The following ZNF362 variants were observed in gnomAD, a reference collection of about 807,000 sequenced individuals.
The protein encoded by ZNF362 is zinc finger protein 362, also known as rotund homolog.
In ZNF362, 11 loss-of-function variants were observed where a neutral mutation model predicts 42.9. The observed-to-expected ratio is 0.26, with a 90% CI of 0.16 to 0.42. The LOEUF is 0.42. Ranked by LOEUF, ZNF362 falls within the 20% of genes least tolerant of loss-of-function variation. The pLI is 1.00. For synonymous variants in ZNF362, 255 were observed against 257.3 expected, an observed-to-expected ratio of 0.99 and a Z score of 0.09; for missense variants, 362 against 576.2, an observed-to-expected ratio of 0.63 and a Z score of 3.81.
the ZNF362 span, among the ~76,000 whole-genome samples, chr1:33,221,546 C>G: frequency 6.6e-6 from 1 of 152,216 alleles, no homozygotes; most frequent in African/African-American, 2.4e-5. Flanking sequence ...CATTTCTCAT[C>G]AAGATCTTAT....
At chr1:33,136,234 TTTC>T in the ZNF362 span, among the ~76,000 whole-genome samples, 2 of 151,112 alleles carry the variant, frequency 1.3e-5, no homozygotes, top group African/African-American at 4.9e-5. Context: ...TTTCTTTCTC[TTTC>T]TTTTCCTTTC....
At chr1:33,250,531 A>C in the ZNF362 span, among the ~76,000 whole-genome samples, 1 of 152,202 alleles carries the variant, frequency 6.6e-6, no homozygotes. Flanking sequence ...GTGGGAGCTG[A>C]ACAATGAGAA....
the ZNF362 span, among the ~76,000 whole-genome samples, chr1:33,148,970 T>G: frequency 6.6e-6 from 1 of 152,158 alleles, no homozygotes; most frequent in Non-Finnish European, 1.5e-5. Context: ...AACCTCTCAC[T>G]TCTGCCCCCT....
At chr1:33,134,809 C>T in the ZNF362 span, among the ~76,000 whole-genome samples, 3 of 152,210 alleles carry the variant, frequency 2.0e-5, no homozygotes, top group Non-Finnish European at 4.4e-5. Context: ...GTTGTCAGCT[C>T]TGAAACAGTC....
the ZNF362 span, among the ~76,000 whole-genome samples, chr1:33,161,931 C>G: frequency 6.6e-6 from 1 of 152,196 alleles, no homozygotes; most frequent in East Asian, 1.9e-4. The surrounding 1 kb of genome is among the most constrained non-coding windows in gnomAD (Gnocchi z 4.3). Flanking sequence ...CCCTGAACAC[C>G]TGCCCCCATT....
At chr1:33,287,918 T>TA (rs1242109128) in intron 6 of ZNF362, among the ~76,000 whole-genome samples, 1 of 152,226 alleles carries the variant, frequency 6.6e-6, no homozygotes, top group East Asian at 1.9e-4. Flanking sequence ...TTAACCTTCA[T>TA]ATATCTATGA....
At chr1:33,173,103 C>T in the ZNF362 span, among the ~76,000 whole-genome samples, 3 of 152,162 alleles carry the variant, frequency 2.0e-5, no homozygotes, top group African/African-American at 7.2e-5. Flanking sequence ...CCTTTCCTCC[C>T]CCAACCCCAA....
At chr1:33,158,931 C>T in the ZNF362 span, among the ~76,000 whole-genome samples, 7 of 151,990 alleles carry the variant, frequency 4.6e-5, no homozygotes, top group Admixed American at 3.3e-4. Flanking sequence ...ACCTCTGCCT[C>T]CTGGGTTCAA....
At chr1:33,130,500 G>A in the ZNF362 span, among the ~76,000 whole-genome samples, 3 of 152,068 alleles carry the variant, frequency 2.0e-5, no homozygotes, top group Admixed American at 1.3e-4. Context: ...ACTAATCAAC[G>A]GCTAGCAAGG....
At chr1:33,160,683 G>A in the ZNF362 span, among the ~76,000 whole-genome samples, 106,066 of 151,932 alleles carry the variant, frequency 0.7, 37,375 homozygotes, top group Non-Finnish European at 0.75. Context: ...GGGATTACAG[G>A]CGTGAGCCAT....
At chr1:33,176,652 C>T in the ZNF362 span, 3 of 433,490 alleles carry the variant, frequency 6.9e-6, no homozygotes, top group Non-Finnish European at 4.2e-6. Context: ...CCTGTCAATA[C>T]AGGACAGGCA....
Position 33,276,440 on chromosome 1 carries a change from G to A in ZNF362, c.195G>A (p.Ser65=), listed in dbSNP as rs756921688. ...PPHLPPTSAS[S]QQPLLVPPAP... ...ACCTGCCGCCCACGTCGGCCTCGTCGCAGCAGCCGTTGCTAGTGCCGCCGG... is the reference window on the plus strand; with the variant it reads ...ACCTGCCGCCCACGTCGGCCTCGTCACAGCAGCCGTTGCTAGTGCCGCCGG... The change falls in exon 4 of 9, where the codon TCG becomes TCA. Residue 65 remains serine (S), a synonymous_variant. Transcript: ENST00000539719. 33 of 1,579,126 alleles carry A rather than the reference G, an allele frequency of 2.1e-5. No individual in the cohort carries two copies. The highest frequency in any genetic ancestry group is 4.0e-5 in the African/African-American group (3 of 74,160).
the ZNF362 span, among the ~76,000 whole-genome samples, chr1:33,213,890 A>T: frequency 6.6e-6 from 1 of 151,846 alleles, no homozygotes; most frequent in African/African-American, 2.4e-5. Context: ...AAAAAACAAA[A>T]CAACAACAAC....
chr1:33,189,673 G>GTATATATATA, the ZNF362 span, among the ~76,000 whole-genome samples: 2 of 9,002 alleles, frequency 2.2e-4, no homozygotes, highest in Non-Finnish European at 5.1e-4. Context: ...ATATATATAT[G>GTATATATATA]TATATATATA....
At chr1:33,169,648 T>C in the ZNF362 span, among the ~76,000 whole-genome samples, 1 of 152,116 alleles carries the variant, frequency 6.6e-6, no homozygotes, top group Admixed American at 6.5e-5. Context: ...TCTTCTCCAG[T>C]CCTAGCTCTT....
chr1:33,258,588 A>G (rs941613491), intron 1 of ZNF362, among the ~76,000 whole-genome samples: 1 of 152,012 alleles, frequency 6.6e-6, no homozygotes, highest in African/African-American at 2.4e-5. Flanking sequence ...GTAGAAGGAG[A>G]CTGAGACCGG....
chr1:33,150,049 C>G, the ZNF362 span, among the ~76,000 whole-genome samples: 3 of 152,222 alleles, frequency 2.0e-5, no homozygotes, highest in Admixed American at 2.0e-4. Context: ...TTTCATGAAC[C>G]CTTGTTAAGA....
At chr1:33,197,411 C>A in the ZNF362 span, among the ~76,000 whole-genome samples, 1 of 152,190 alleles carries the variant, frequency 6.6e-6, no homozygotes, top group Non-Finnish European at 1.5e-5. Context: ...CTGACTAATA[C>A]AGATGGCTAT....
chr1:33,209,230 T>G, the ZNF362 span, among the ~76,000 whole-genome samples: 8 of 152,228 alleles, frequency 5.3e-5, no homozygotes, highest in African/African-American at 1.9e-4. Flanking sequence ...ACTTATTGAT[T>G]TGTGTATGTT....
Sources: allele counts gnomAD v4.1 joint callset (sites outside exome capture counted in the v4.1 genomes callset), GRCh38; gene constraint gnomAD v4.1.1; non-coding constraint Gnocchi (gnomAD v3.1); transcripts MANE v1.5; gene names NCBI Gene and HGNC (gene_info 2026-07-23, HGNC 2026-07-21).